LAMA2: variants seen among roughly 807,000 people sequenced by gnomAD.
LAMA2 encodes laminin subunit alpha-2.
Under a neutral mutation model 364.8 loss-of-function variants are expected in LAMA2, and 269 were observed. The ratio of observed to expected loss-of-function variants is 0.74; its 90% CI spans 0.67 to 0.82. The LOEUF is 0.82. Ranked by LOEUF, LAMA2 falls within the 40% of genes least tolerant of loss-of-function variation. LAMA2 has a pLI of 0.00. For synonymous variants in LAMA2, 1,379 were observed against 1,370.6 expected, an observed-to-expected ratio of 1.01 and a Z score of -0.14; for missense variants, 3,807 against 3,873.2, an observed-to-expected ratio of 0.98 and a Z score of 0.45.
chr6:129,398,071 T>C (rs982012452), intron 37 of LAMA2, among the ~76,000 whole-genome samples: 2 of 152,186 alleles, frequency 1.3e-5, no homozygotes, highest in Non-Finnish European at 2.9e-5. Context: ...AATCAAAATA[T>C]ATATAGCTCT....
intron 1 of LAMA2, among the ~76,000 whole-genome samples, chr6:128,972,086 G>A (rs1273306694): frequency 3.3e-5 from 5 of 152,168 alleles, no homozygotes; most frequent in Non-Finnish European, 5.9e-5. Flanking sequence ...AGGTGTGAGA[G>A]GGGAGACCAG....
At chr6:128,929,241 A>G in intron 1 of LAMA2, 6 of 1,465,548 alleles carry the variant, frequency 4.1e-6, no homozygotes, top group East Asian at 2.3e-5. Context: ...TGATTGATGT[A>G]CTGTAAGAGA....
chr6:129,270,548 T>G, intron 16 of LAMA2, 76 bp from the exon 17 acceptor site: 1 of 1,490,106 alleles, frequency 6.7e-7, no homozygotes, highest in Non-Finnish European at 9.3e-7. Context: ...GACTAATGAC[T>G]TCGTAGACCT....
chr6:129,148,229 G>T (rs947149285), intron 6 of LAMA2, among the ~76,000 whole-genome samples: 8 of 151,984 alleles, frequency 5.3e-5, no homozygotes, highest in Non-Finnish European at 8.8e-5. Context: ...TGGAAACCAT[G>T]GTCCTCAGGA....
At chr6:129,430,270 A>G (rs1781524609) in intron 41 of LAMA2, among the ~76,000 whole-genome samples, 1 of 152,124 alleles carries the variant, frequency 6.6e-6, no homozygotes, top group Non-Finnish European at 1.5e-5. Flanking sequence ...TGGTGCCTGG[A>G]GTTAGAAGGA....
At chr6:128,932,369 T>A (rs1200692503) in intron 1 of LAMA2, among the ~76,000 whole-genome samples, 1 of 152,152 alleles carries the variant, frequency 6.6e-6, no homozygotes, top group Non-Finnish European at 1.5e-5. Flanking sequence ...TCAACAAGTG[T>A]TTACTGAAAG....
At chr6:129,269,183 A>C (rs567033200) in intron 16 of LAMA2, among the ~76,000 whole-genome samples, 5 of 152,028 alleles carry the variant, frequency 3.3e-5, no homozygotes, top group Non-Finnish European at 5.9e-5. Flanking sequence ...TATATTTAAA[A>C]GACATTTTAA....
intron 1 of LAMA2, among the ~76,000 whole-genome samples, chr6:128,891,531 T>A (rs1346839410): frequency 6.6e-6 from 1 of 152,048 alleles, no homozygotes; most frequent in African/African-American, 2.4e-5. Context: ...TGGTTTGTCG[T>A]GGTACATATG....
In LAMA2 at chr6:129,314,623, A is replaced by G. The variant is rs369965124; in HGVS notation, c.3412-32A>G. ...TGATTTCTCCCCTAACTTTGCCGTT[A>G]TAAACTCTGAGGGTCTCTTGTCTTT... On this transcript the variant is annotated intron_variant, in intron 23 of 64. Transcript: ENST00000421865. 8.7e-6 allele frequency: 14 copies of G among 1,611,234 alleles called. No individual in the cohort carries two copies. The African/African-American group carries it at 1.1e-4, about 12-fold the overall frequency.
At chr6:129,157,274 A>AT (rs1779168100) in intron 8 of LAMA2, among the ~76,000 whole-genome samples, 1 of 152,194 alleles carries the variant, frequency 6.6e-6, no homozygotes, top group African/African-American at 2.4e-5. Flanking sequence ...ATAAAAACCC[A>AT]TTTAAAAAAA....
chr6:129,368,171 C>T (rs1439166072), intron 33 of LAMA2, among the ~76,000 whole-genome samples: 1 of 152,190 alleles, frequency 6.6e-6, no homozygotes, highest in Non-Finnish European at 1.5e-5. Context: ...TCAATCACTT[C>T]CCAAAGGCTC....
At chr6:129,417,045 G>GGTCTC (rs1221719106) in intron 40 of LAMA2, among the ~76,000 whole-genome samples, 1 of 152,142 alleles carries the variant, frequency 6.6e-6, no homozygotes, top group Non-Finnish European at 1.5e-5. Flanking sequence ...GGAGTCCATA[G>GGTCTC]GTCTCAGCTC....
rs1212578624 is a variant in LAMA2, at chr6:129,188,363, GC to G, written c.1468-1841del. On this transcript the variant is annotated intron_variant, in intron 10 of 64. Transcript: ENST00000421865. ...GCTAAGGAAAATGTAGCTAATGTCTGCAAATTTCTAATTGTTGAACTTAGTC... is the reference window on the plus strand; with the variant it reads ...GCTAAGGAAAATGTAGCTAATGTCTGAAATTTCTAATTGTTGAACTTAGTC... Among the ~76,000 whole-genome samples the G allele has an allele frequency of 2.0e-5, 3 of 151,824 alleles. No individual in the cohort carries two copies. The East Asian group carries it at 5.8e-4, about 29-fold the overall frequency.
At chr6:129,404,180 T>C (rs1273901588) in intron 40 of LAMA2, among the ~76,000 whole-genome samples, 1 of 152,146 alleles carries the variant, frequency 6.6e-6, no homozygotes, top group African/African-American at 2.4e-5. Context: ...CTTAAAATTA[T>C]CTCAGAAACC....
intron 45 of LAMA2, among the ~76,000 whole-genome samples, chr6:129,449,666 A>G (rs1451473666): frequency 1.3e-5 from 2 of 152,206 alleles, no homozygotes; most frequent in Non-Finnish European, 2.9e-5. Flanking sequence ...CATATTTGTT[A>G]GATATGTATT....
At chr6:129,497,841 G>A (rs1055870794) in intron 58 of LAMA2, among the ~76,000 whole-genome samples, 1 of 152,190 alleles carries the variant, frequency 6.6e-6, no homozygotes, top group East Asian at 1.9e-4. Flanking sequence ...AGATTAAAGA[G>A]CATTTCATGC....
At chr6:128,929,178 G>A (rs1779286332) in intron 1 of LAMA2, 1 of 1,472,980 alleles carries the variant, frequency 6.8e-7, no homozygotes. Context: ...AAATGAATGG[G>A]GATAGTTACA....
At chr6:129,186,818 T>C (rs1781255919) in intron 10 of LAMA2, among the ~76,000 whole-genome samples, 1 of 151,710 alleles carries the variant, frequency 6.6e-6, no homozygotes, top group Non-Finnish European at 1.5e-5. Flanking sequence ...CGTGACTCTA[T>C]TTCTCCAAGT....
chr6:129,291,484 A>G, intron 19 of LAMA2, 130 bp from the exon 20 acceptor site: 1 of 726,518 alleles, frequency 1.4e-6, no homozygotes, highest in Admixed American at 2.0e-5. Flanking sequence ...CAGGGCACTT[A>G]ACAAATCAGA....
Sources: gnomAD v4.1 joint callset for allele counts (sites outside exome capture counted in the v4.1 genomes callset) on GRCh38, gnomAD v4.1.1 for gene constraint, MANE v1.5 for transcripts, NCBI Gene and HGNC (gene_info 2026-07-23, HGNC 2026-07-21) for gene names.